The following CSMD1 variants were observed in gnomAD, a reference collection of about 807,000 sequenced individuals.
The protein encoded by CSMD1 is CUB and sushi domain-containing protein 1.
In CSMD1, 213 loss-of-function variants were observed where a neutral mutation model predicts 417.5. The ratio of observed to expected loss-of-function variants is 0.51; its 90% CI spans 0.46 to 0.57. CSMD1 has a LOEUF of 0.57. CSMD1 is among the 20% of genes least tolerant of loss of function. The pLI is 0.00. For synonymous variants in CSMD1, 2,862 were observed against 1,736.8 expected (o/e 1.65, Z -16.11); for missense variants, 6,923 against 4,529.7 (o/e 1.53, Z -15.17).
intron 3 of CSMD1, among the ~76,000 whole-genome samples, chr8:4,066,604 G>A (rs530964895): frequency 1.3e-5 from 2 of 152,264 alleles, no homozygotes; most frequent in South Asian, 2.1e-4. Flanking sequence ...ATACCCAGAA[G>A]GGAAATGTAC....
At chr8:3,495,975 C>T (rs1032863927) in intron 10 of CSMD1, among the ~76,000 whole-genome samples, 1 of 152,106 alleles carries the variant, frequency 6.6e-6, no homozygotes, top group Non-Finnish European at 1.5e-5. Context: ...AAACACGTGC[C>T]ATGGTGGTTT....
chr8:3,308,063 CTAATAATATGTGATAATTCTAATAA>C (rs1178805321), intron 24 of CSMD1, among the ~76,000 whole-genome samples: 2 of 51,216 alleles, frequency 3.9e-5, no homozygotes, highest in African/African-American at 1.0e-4. Flanking sequence ...TGTGATAATT[CTAATAATATGTGATAATTCTAATAA>C]TAACACTGTA....
intron 3 of CSMD1, among the ~76,000 whole-genome samples, chr8:4,225,759 G>A (rs972037057): frequency 2.6e-5 from 4 of 152,008 alleles, no homozygotes; most frequent in African/African-American, 4.8e-5. Flanking sequence ...TTTCAATGGG[G>A]CCAATCTATT....
intron 49 of CSMD1, among the ~76,000 whole-genome samples, chr8:3,067,483 C>G (rs1043516272): frequency 2.6e-5 from 4 of 151,956 alleles, no homozygotes; most frequent in Non-Finnish European, 5.9e-5. Flanking sequence ...ATGATTTTCT[C>G]CAGGTCCACA....
intron 3 of CSMD1, among the ~76,000 whole-genome samples, chr8:4,343,827 A>T (rs1800625462): frequency 6.6e-6 from 1 of 152,034 alleles, no homozygotes; most frequent in Non-Finnish European, 1.5e-5. Context: ...AGACACTACC[A>T]CTTCAATTTG....
At chr8:4,410,018 T>G (rs1216099762) in intron 3 of CSMD1, among the ~76,000 whole-genome samples, 1 of 152,140 alleles carries the variant, frequency 6.6e-6, no homozygotes, top group Non-Finnish European at 1.5e-5. Flanking sequence ...TTCACCATGT[T>G]GGCCAAGATG....
intron 1 of CSMD1, among the ~76,000 whole-genome samples, chr8:4,968,015 A>G (rs1809994215): frequency 6.6e-6 from 1 of 152,168 alleles, no homozygotes; most frequent in South Asian, 2.1e-4. Flanking sequence ...ATCATTTTAT[A>G]TAATTGAATC....
chr8:4,309,818 A>T (rs917396845), intron 3 of CSMD1, among the ~76,000 whole-genome samples: 3 of 152,132 alleles, frequency 2.0e-5, no homozygotes, highest in African/African-American at 7.2e-5. Context: ...CTTCGCCCTT[A>T]CTTCATTTTA....
At chr8:3,613,686 A>T (rs939660902) in intron 8 of CSMD1, among the ~76,000 whole-genome samples, 2 of 148,014 alleles carry the variant, frequency 1.4e-5, no homozygotes, top group African/African-American at 2.5e-5. Context: ...AAAATTCCAA[A>T]TTCATGTCAG....
chr8:4,402,212 T>A (rs1485886026), intron 3 of CSMD1, among the ~76,000 whole-genome samples: 1 of 152,046 alleles, frequency 6.6e-6, no homozygotes, highest in African/African-American at 2.4e-5. Context: ...CATCCCATGC[T>A]CTTATCTCTG....
chr8:3,564,320 T>G (rs1259034774), intron 10 of CSMD1, among the ~76,000 whole-genome samples: 1 of 131,776 alleles, frequency 7.6e-6, no homozygotes, highest in African/African-American at 3.1e-5. Context: ...TCTCCCAGGA[T>G]GTTTTTTGAA....
At chr8:4,123,713 G>A (rs1031464095) in intron 3 of CSMD1, among the ~76,000 whole-genome samples, 1 of 152,176 alleles carries the variant, frequency 6.6e-6, no homozygotes, top group Non-Finnish European at 1.5e-5. Context: ...ACATTTGGAA[G>A]AAGTCACATT....
chr8:3,698,274 C>T (rs1563284462), intron 7 of CSMD1, among the ~76,000 whole-genome samples: 1 of 152,276 alleles, frequency 6.6e-6, no homozygotes, highest in Middle Eastern at 3.4e-3. Context: ...ACTGATGAAG[C>T]ATTTTTTACA....
intron 5 of CSMD1, among the ~76,000 whole-genome samples, chr8:3,767,345 C>G (rs947784953): frequency 6.6e-6 from 1 of 152,218 alleles, no homozygotes; most frequent in African/African-American, 2.4e-5. Flanking sequence ...GACCTGGGTC[C>G]AAACACAACC....
At chr8:3,821,370 C>T (rs78155933) in intron 5 of CSMD1, among the ~76,000 whole-genome samples, 2,595 of 152,248 alleles carry the variant, frequency 0.017, 59 homozygotes, top group African/African-American at 0.058. Flanking sequence ...AGACTGGCAG[C>T]GCAGGTTTGC....
chr8:4,088,409 G>T (rs576599555), intron 3 of CSMD1, among the ~76,000 whole-genome samples: 1 of 152,108 alleles, frequency 6.6e-6, no homozygotes, highest in Non-Finnish European at 1.5e-5. Context: ...CCTTTTCTCA[G>T]GTTTCCTCTC....
intron 5 of CSMD1, among the ~76,000 whole-genome samples, chr8:3,872,069 C>A (rs946705153): frequency 3.3e-5 from 5 of 152,186 alleles, no homozygotes; most frequent in Non-Finnish European, 7.4e-5. Flanking sequence ...AGGATACAAC[C>A]TGCTGAAAGG....
chr8:4,977,750 G>C (rs1810646143), intron 1 of CSMD1, among the ~76,000 whole-genome samples: 2 of 152,150 alleles, frequency 1.3e-5, no homozygotes, highest in African/African-American at 4.8e-5. Context: ...GTTGCAGGCA[G>C]GTTCACCTGC....
intron 2 of CSMD1, among the ~76,000 whole-genome samples, chr8:4,493,391 A>C (rs571804426): frequency 6.6e-6 from 1 of 152,154 alleles, no homozygotes; most frequent in Non-Finnish European, 1.5e-5. Context: ...CTACTGATAC[A>C]AACACATTCT....
Sources: gnomAD v4.1 joint callset for allele counts (sites outside exome capture counted in the v4.1 genomes callset) on GRCh38, gnomAD v4.1.1 for gene constraint, MANE v1.5 for transcripts, NCBI Gene and HGNC (gene_info 2026-07-23, HGNC 2026-07-21) for gene names.